Variants in MTA3 observed in about 807,000 individuals in gnomAD.
The protein encoded by MTA3 is metastasis-associated protein MTA3.
Under a neutral mutation model 83.5 loss-of-function variants are expected in MTA3, and 34 were observed. The ratio of observed to expected loss-of-function variants is 0.41; its 90% confidence interval spans 0.31 to 0.54. The LOEUF (loss-of-function observed/expected upper bound fraction) is 0.54, where lower values mean the gene tolerates loss of function less well. MTA3 is among the 20% of genes least tolerant of loss of function. MTA3 has a pLI of 0.33. For synonymous variants in MTA3, 303 were observed against 252.7 expected, an observed-to-expected ratio of 1.20 and a Z score of -1.89; for missense variants, 761 against 726.4, an observed-to-expected ratio of 1.05 and a Z score of -0.55.
intron 6 of MTA3, among the ~76,000 whole-genome samples, chr2:42,645,419 G>A (rs1268259594): frequency 1.3e-5 from 2 of 152,054 alleles, no homozygotes; most frequent in African/African-American, 4.8e-5. Flanking sequence ...CAACTACTCG[G>A]GAGGCTGAGG....
At chr2:42,535,854 C>G (rs961510760) in intron 2 of MTA3, among the ~76,000 whole-genome samples, 7 of 146,686 alleles carry the variant, frequency 4.8e-5, no homozygotes, top group Non-Finnish European at 1.1e-4. Flanking sequence ...CACAGTGGCT[C>G]ATGCCTGTAA....
Position 42,708,724 on chromosome 2 carries a change from TTCTC to T in MTA3, c.1303-146_1303-143del, listed in dbSNP as rs1221583902. On this transcript the variant is annotated intron_variant, in intron 13 of 16. Transcript: ENST00000405094. ...TCTTTCCCAAAAGTGCACACTTTAATTCTCTCTTTTAGAGGTAGTGCACCAAGTG... is the reference window on the plus strand; with the variant it reads ...TCTTTCCCAAAAGTGCACACTTTAATTCTTTTAGAGGTAGTGCACCAAGTG... 6.2e-6 allele frequency: 5 copies of T among 803,060 alleles called. No homozygotes were observed. The Admixed American group carries it at 7.1e-5, about 11-fold the overall frequency. The allele number at this position is 803,060 out of a possible 1,614,324, so 49.7% of individuals were successfully genotyped here. A position where few individuals can be genotyped will look rare whatever the true frequency, so the allele number is the denominator to read the frequency against.
At chr2:42,708,187 A>G in intron 13 of MTA3, 133 bp downstream of exon 13, 3 of 898,846 alleles carry the variant, frequency 3.3e-6, no homozygotes, top group East Asian at 2.8e-5. Flanking sequence ...TAGCACTACA[A>G]TATTCAGGGT....
intron 16 of MTA3, among the ~76,000 whole-genome samples, chr2:42,743,385 A>G (rs1669179406): frequency 6.6e-6 from 1 of 152,214 alleles, no homozygotes; most frequent in South Asian, 2.1e-4. Context: ...TTCCAAAATG[A>G]CATGGCTTTT....
intron 16 of MTA3, among the ~76,000 whole-genome samples, chr2:42,752,049 A>T (rs1024911404): frequency 2.0e-5 from 3 of 152,218 alleles, no homozygotes; most frequent in Non-Finnish European, 4.4e-5. Context: ...GCAAGTTCTT[A>T]ACCTTTCTGA....
intron 3 of MTA3, among the ~76,000 whole-genome samples, chr2:42,592,442 G>A (rs1439922290): frequency 6.6e-6 from 1 of 151,952 alleles, no homozygotes; most frequent in Admixed American, 6.6e-5. Context: ...AAATTAGCCG[G>A]GTGTGGTGGC....
chr2:42,615,711 CTTTTTTTTTT>C lies in MTA3; in HGVS notation c.317+6145_317+6154del, dbSNP rs35331224. ...ACCACAGATACTTGAATAATCTCTT[CTTTTTTTTTT>C]TTTTTTTTTTTTTTTTTGAGACGGA... On this transcript the variant is annotated intron_variant, in intron 4 of 16. Transcript: ENST00000405094. Among the ~76,000 whole-genome samples, 123 of 59,800 alleles carry C rather than the reference CTTTTTTTTTT, an allele frequency of 2.1e-3. 2 individuals carry two copies. Among genetic ancestry groups the C allele is most frequent in the Non-Finnish European group, 2.8e-3 (95 of 34,204 alleles). 39.2% of individuals were successfully genotyped at this position (59,800 alleles called of 152,430 possible). A position where few individuals can be genotyped will look rare whatever the true frequency, so the allele number is the denominator to read the frequency against.
intron 4 of MTA3, among the ~76,000 whole-genome samples, chr2:42,633,883 T>C (rs1215465106): frequency 3.3e-5 from 5 of 150,328 alleles, no homozygotes; most frequent in Non-Finnish European, 5.9e-5. Context: ...AGCGAGACTC[T>C]GTCTCAAAAA....
At chr2:42,715,311 A>G (rs1435823115) in intron 14 of MTA3, among the ~76,000 whole-genome samples, 2 of 152,128 alleles carry the variant, frequency 1.3e-5, no homozygotes, top group African/African-American at 2.4e-5. Flanking sequence ...CTGAATGGCA[A>G]CAACTTTTCT....
At position 42,674,251 on chromosome 2, in the gene MTA3, G is replaced by A. The variant is rs561084814; in HGVS notation, c.703-8150G>A. 7.5e-4 allele frequency among the ~76,000 whole-genome samples: 114 copies of A among 152,360 alleles called. 2 individuals carry two copies. In the South Asian group the frequency reaches 0.023, roughly 31 times the overall value. ...CAGTGGAGTGGAAGAATACTCTCCT[G>A]TGGAGGTGTGGGGGAGGGAATGAAT... On this transcript the variant is annotated intron_variant, in intron 8 of 16. Coordinates refer to ENST00000405094, the MANE Select transcript of MTA3 (RefSeq NM_001330442.2).
intron 7 of MTA3, among the ~76,000 whole-genome samples, chr2:42,658,451 G>C (rs1395544391): frequency 6.6e-5 from 10 of 152,278 alleles, no homozygotes; most frequent in Non-Finnish European, 8.8e-5. Context: ...GGGATGAGAC[G>C]TCGTACAACG....
chr2:42,588,057 A>C (rs1372845632), intron 3 of MTA3, among the ~76,000 whole-genome samples: 1 of 152,142 alleles, frequency 6.6e-6, no homozygotes, highest in Non-Finnish European at 1.5e-5. Flanking sequence ...AATAGTATAC[A>C]TTGTAAAATT....
chr2:42,642,691 C>G (rs542857985), intron 5 of MTA3, among the ~76,000 whole-genome samples: 80 of 148,646 alleles, frequency 5.4e-4, no homozygotes, highest in African/African-American at 1.9e-3. Flanking sequence ...GTCCCCCAGG[C>G]TGGAGTGCAA....
At chr2:42,728,965 C>G (rs35322488) in intron 16 of MTA3, among the ~76,000 whole-genome samples, 1 of 151,630 alleles carries the variant, frequency 6.6e-6, no homozygotes, top group Non-Finnish European at 1.5e-5. Context: ...TTGATATGAT[C>G]TAATTTGTCT....
chr2:42,584,402 T>G (rs1408632467), intron 3 of MTA3, among the ~76,000 whole-genome samples: 1 of 152,198 alleles, frequency 6.6e-6, no homozygotes, highest in Non-Finnish European at 1.5e-5. Flanking sequence ...AGTGTCCAAG[T>G]GTATAAGGAA....
intron 2 of MTA3, among the ~76,000 whole-genome samples, chr2:42,537,275 C>T (rs1290507857): frequency 6.6e-6 from 1 of 152,084 alleles, no homozygotes; most frequent in Non-Finnish European, 1.5e-5. Context: ...TAAAAGTTAT[C>T]AATGTTGGCC....
intron 4 of MTA3, among the ~76,000 whole-genome samples, chr2:42,620,090 C>T (rs1034159452): frequency 6.6e-6 from 1 of 151,570 alleles, no homozygotes; most frequent in Non-Finnish European, 1.5e-5. Context: ...GCAACCATCA[C>T]CTCTGTATTG....
chr2:42,618,192 TC>T (rs1191526931), intron 4 of MTA3, among the ~76,000 whole-genome samples: 1 of 152,068 alleles, frequency 6.6e-6, no homozygotes, highest in Non-Finnish European at 1.5e-5. Context: ...ATGTAATCCT[TC>T]CACCCTGGCC....
chr2:42,604,407 G>A (rs1162395721), intron 3 of MTA3, among the ~76,000 whole-genome samples: 1 of 152,140 alleles, frequency 6.6e-6, no homozygotes, highest in African/African-American at 2.4e-5. Flanking sequence ...GAAGAATTTT[G>A]AAAAGCACTG....
Sources: allele counts gnomAD v4.1 joint callset (sites outside exome capture counted in the v4.1 genomes callset), GRCh38; gene constraint gnomAD v4.1.1; transcripts MANE v1.5; gene names NCBI Gene and HGNC (gene_info 2026-07-23, HGNC 2026-07-21).